DLG2: variants seen among roughly 807,000 people sequenced by gnomAD.
The protein encoded by DLG2 is disks large homolog 2.
In DLG2, 45 loss-of-function variants were observed where a neutral mutation model predicts 132.5. The observed-to-expected ratio is 0.34, with a 90% CI of 0.27 to 0.44. The LOEUF (loss-of-function observed/expected upper bound fraction) is 0.44, where lower values mean the gene tolerates loss of function less well. Ranked by LOEUF, DLG2 falls within the 20% of genes least tolerant of loss-of-function variation. The probability of loss-of-function intolerance (pLI) is 1.00; values close to 1 mark genes in which losing one functional copy is unlikely to be tolerated. For synonymous variants in DLG2, 424 were observed against 419.6 expected (o/e 1.01, Z -0.13); for missense variants, 1,045 against 1,196.9 (o/e 0.87, Z 1.87).
Position 84,779,820 on chromosome 11 carries a change from G to A in DLG2, c.358-245089C>T, listed in dbSNP as rs113114287. On this transcript the variant is annotated intron_variant, in intron 6 of 27. Coordinates refer to ENST00000376104, the MANE Select transcript of DLG2 (RefSeq NM_001142699.3). ...TGGAAATGTACAACCTCCCCGTATT[G>A]AGCCAGGAAGAAATAGAAAATCTGA... Among the ~76,000 whole-genome samples the A allele has an allele frequency of 9.8e-4, 148 of 151,786 alleles. 3 individuals carry two copies. The highest frequency in any genetic ancestry group is 3.3e-3 in the African/African-American group (138 of 41,434).
intron 3 of DLG2, among the ~76,000 whole-genome samples, chr11:85,443,520 C>G (rs1393520957): frequency 3.3e-5 from 5 of 152,186 alleles, no homozygotes; most frequent in South Asian, 2.1e-4. Flanking sequence ...GTTTGAAAGT[C>G]ATTTGCAATC....
chr11:84,072,910 C>T (rs917595206), intron 10 of DLG2, among the ~76,000 whole-genome samples: 2 of 152,052 alleles, frequency 1.3e-5, no homozygotes, highest in Non-Finnish European at 2.9e-5. Flanking sequence ...GAGAAGGGGA[C>T]AGACATGGAG....
chr11:85,364,838 T>G (rs548835800), intron 3 of DLG2, among the ~76,000 whole-genome samples: 32 of 152,292 alleles, frequency 2.1e-4, no homozygotes, highest in African/African-American at 6.3e-4. Context: ...TTTAGTTTTA[T>G]CACATAGTTT....
chr11:83,759,332 C>T (rs1422042210), intron 18 of DLG2, among the ~76,000 whole-genome samples: 3 of 152,150 alleles, frequency 2.0e-5, no homozygotes, highest in African/African-American at 7.2e-5. Flanking sequence ...AATCAAGGCA[C>T]ATGCATGAGC....
intron 9 of DLG2, among the ~76,000 whole-genome samples, chr11:84,138,753 A>T (rs1044296749): frequency 2.0e-5 from 3 of 152,128 alleles, no homozygotes; most frequent in Admixed American, 6.6e-5. Context: ...GTTCGAGATG[A>T]GCCTGGCCAA....
intron 8 of DLG2, among the ~76,000 whole-genome samples, chr11:84,230,109 A>G (rs1311961293): frequency 6.6e-6 from 1 of 152,228 alleles, no homozygotes; most frequent in African/African-American, 2.4e-5. Flanking sequence ...AAGGTAATTT[A>G]CAATTTTTTT....
intron 5 of DLG2, 41 bp downstream of exon 5, chr11:85,154,515 C>T (rs1179320092): frequency 3.1e-6 from 3 of 958,104 alleles, no homozygotes; most frequent in East Asian, 5.3e-5. Flanking sequence ...CAAGTCTTAC[C>T]CATGAAGCCT....
intron 5 of DLG2, among the ~76,000 whole-genome samples, chr11:85,112,602 C>T (rs973901092): frequency 1.3e-5 from 2 of 151,908 alleles, no homozygotes; most frequent in Admixed American, 1.3e-4. Flanking sequence ...ATTTACTGAA[C>T]AACTAAATAT....
intron 3 of DLG2, among the ~76,000 whole-genome samples, chr11:85,517,480 G>A (rs2094192335): frequency 6.6e-6 from 1 of 152,044 alleles, no homozygotes; most frequent in African/African-American, 2.4e-5. Flanking sequence ...TTGAAAAAGA[G>A]GAAGTCAAAT....
rs746049017 is a variant in DLG2 at position 83,930,487 on chromosome 11, G to C, written c.1341-4C>G. The C allele has an allele frequency of 5.6e-6, 9 of 1,613,310 alleles. No individual in the cohort carries two copies. The Admixed American group carries it at 1.3e-4, about 24-fold the overall frequency. Reference sequence around the variant, plus strand: ...GCTGTAAACAGGTTCCGGAGGCCTGGTGATACAAGAGGAAGAGAAAGATAT... The same window carrying C: ...GCTGTAAACAGGTTCCGGAGGCCTGCTGATACAAGAGGAAGAGAAAGATAT... On this transcript the variant is annotated splice_polypyrimidine_tract_variant and splice_region_variant and intron_variant, in intron 14 of 27. Transcript: ENST00000376104.
chr11:85,458,281 T>C (rs1385066357), intron 3 of DLG2, among the ~76,000 whole-genome samples: 1 of 152,230 alleles, frequency 6.6e-6, no homozygotes, highest in Non-Finnish European at 1.5e-5. Flanking sequence ...TTCAGCTCTA[T>C]CAAATCTGTT....
chr11:84,588,154 C>T lies in DLG2; in HGVS notation c.358-53423G>A, dbSNP rs138594107. Among the ~76,000 whole-genome samples the T allele has an allele frequency of 1.9e-3, 287 of 152,274 alleles. 2 individuals are homozygous for T. The highest frequency in any genetic ancestry group is 6.5e-3 in the African/African-American group (271 of 41,570). On this transcript the variant is annotated intron_variant, in intron 6 of 27. Transcript: ENST00000376104. ...TCCCTAAATATGCCTCACTATTCTG[C>T]CTCTCCATTCAACTAACATTTGCTG...
At chr11:85,494,975 T>G (rs1009738896) in intron 3 of DLG2, among the ~76,000 whole-genome samples, 4 of 152,214 alleles carry the variant, frequency 2.6e-5, no homozygotes, top group African/African-American at 9.6e-5. Flanking sequence ...TCATGGATTT[T>G]ATAACAAAGT....
At chr11:85,515,544 C>T (rs1004215714) in intron 3 of DLG2, among the ~76,000 whole-genome samples, 2 of 151,908 alleles carry the variant, frequency 1.3e-5, no homozygotes, top group Non-Finnish European at 2.9e-5. Context: ...TATCTTAATG[C>T]TTAATTCATA....
chr11:84,201,797 G>T (rs118169725), intron 8 of DLG2, among the ~76,000 whole-genome samples: 2,544 of 133,096 alleles, frequency 0.019, 52 homozygotes, highest in East Asian at 0.13. Context: ...AGAGTTAGAA[G>T]AAACTATTTT....
chr11:85,388,061 T>G (rs1302561302), intron 3 of DLG2, among the ~76,000 whole-genome samples: 1 of 152,176 alleles, frequency 6.6e-6, no homozygotes. Context: ...TACTCAGCCC[T>G]GCTCACTGGC....
At chr11:83,841,309 T>G (rs1371136367) in intron 16 of DLG2, among the ~76,000 whole-genome samples, 1 of 152,258 alleles carries the variant, frequency 6.6e-6, no homozygotes, top group Non-Finnish European at 1.5e-5. Context: ...CCTATTTTAT[T>G]CATCATCCAG....
intron 4 of DLG2, among the ~76,000 whole-genome samples, chr11:85,188,181 C>G (rs781476193): frequency 3.9e-5 from 6 of 152,196 alleles, no homozygotes; most frequent in Non-Finnish European, 8.8e-5. Flanking sequence ...ACAGATCCAT[C>G]AGTAGAGGGT....
At chr11:84,717,102 C>T (rs896137743) in intron 6 of DLG2, among the ~76,000 whole-genome samples, 2 of 151,990 alleles carry the variant, frequency 1.3e-5, no homozygotes, top group African/African-American at 4.8e-5. Context: ...ATCCTTGAAG[C>T]CATTCTGAGA....
Sources: allele counts gnomAD v4.1 joint callset (sites outside exome capture counted in the v4.1 genomes callset), GRCh38; gene constraint gnomAD v4.1.1; transcripts MANE v1.5; gene names NCBI Gene and HGNC (gene_info 2026-07-23, HGNC 2026-07-21).